PCDH15: variants seen among roughly 807,000 people sequenced by gnomAD.
The protein encoded by PCDH15 is protocadherin related 15.
In PCDH15, 129 loss-of-function variants were observed where a neutral mutation model predicts 178.5. That is an observed-to-expected ratio of 0.72 (90% confidence interval 0.63 to 0.84). PCDH15 has a LOEUF of 0.84. PCDH15 is among the 40% of genes least tolerant of loss of function. The pLI, the probability that PCDH15 is intolerant of heterozygous loss-of-function variation, is 0.00. For missense variants in PCDH15, 2,230 were observed against 2,099.9 expected (o/e 1.06, Z -1.21); for synonymous variants, 800 against 732.0 (o/e 1.09, Z -1.50).
intron 1 of PCDH15, among the ~76,000 whole-genome samples, chr10:55,263,964 G>A (rs956404139): frequency 4.0e-5 from 6 of 148,474 alleles, no homozygotes; most frequent in African/African-American, 1.5e-4. Context: ...TCGATCTCCG[G>A]ACCTCGTGAT....
chr10:54,032,600 CTGTT>C (rs994787957), intron 18 of PCDH15, among the ~76,000 whole-genome samples: 2 of 151,922 alleles, frequency 1.3e-5, no homozygotes, highest in Non-Finnish European at 2.9e-5. Flanking sequence ...GGTATGTTTT[CTGTT>C]TATTAGAAGA....
intron 3 of PCDH15, among the ~76,000 whole-genome samples, chr10:54,425,756 T>C (rs558226540): frequency 7.9e-4 from 120 of 152,304 alleles, no homozygotes; most frequent in African/African-American, 2.8e-3. Flanking sequence ...ACACATGACC[T>C]TTCTTTCTGG....
chr10:54,288,794 A>G (rs925955554), intron 8 of PCDH15, among the ~76,000 whole-genome samples: 3 of 152,216 alleles, frequency 2.0e-5, no homozygotes, highest in African/African-American at 7.2e-5. Flanking sequence ...ACTGCGGGGC[A>G]GCAGCCTGGC....
chr10:54,609,397 G>A (rs916198143), intron 2 of PCDH15, among the ~76,000 whole-genome samples: 1 of 152,036 alleles, frequency 6.6e-6, no homozygotes, highest in African/African-American at 2.4e-5. Context: ...AAAGGCATTT[G>A]TAGTATACTG....
intron 10 of PCDH15, among the ~76,000 whole-genome samples, chr10:54,197,820 G>A (rs2049827199): frequency 6.6e-6 from 1 of 152,014 alleles, no homozygotes; most frequent in Non-Finnish European, 1.5e-5. Flanking sequence ...AAGATTTGTT[G>A]AAATATTATT....
chr10:54,534,345 G>C (rs1160049561), intron 2 of PCDH15, among the ~76,000 whole-genome samples: 1 of 151,988 alleles, frequency 6.6e-6, no homozygotes, highest in African/African-American at 2.4e-5. Context: ...GGTCTGTAGG[G>C]ACAAAAATTT....
rs995309942 is a variant in PCDH15, at chr10:54,462,481, T to G, written c.157+65331A>C. Among the ~76,000 whole-genome samples, 11 of 135,420 alleles carry G rather than the reference T, an allele frequency of 8.1e-5. 1 individual carries two copies. Among genetic ancestry groups the G allele is most frequent in the Non-Finnish European group, 1.7e-4 (11 of 65,430 alleles). The allele number at this position is 135,420 out of a possible 152,430, so 88.8% of individuals were successfully genotyped here. On this transcript the variant is annotated intron_variant, in intron 3 of 37. Transcript: ENST00000644397. ...TATTTGTTAATCCTTTCTTTCTTTC[T>G]TTTCTTTTCTTTTCTTTTTCTTTTT... is the stretch of plus-strand genomic sequence containing the variant.
intron 1 of PCDH15, among the ~76,000 whole-genome samples, chr10:54,681,802 T>A (rs531123832): frequency 6.6e-6 from 1 of 152,262 alleles, no homozygotes; most frequent in East Asian, 1.9e-4. Flanking sequence ...AAGATAGAGC[T>A]ATTACCAATG....
At chr10:53,858,400 G>C (rs1003237052) in intron 27 of PCDH15, among the ~76,000 whole-genome samples, 2 of 152,086 alleles carry the variant, frequency 1.3e-5, no homozygotes, top group African/African-American at 4.8e-5. Context: ...AGTATGAAAT[G>C]ATAGAAAGAA....
At chr10:54,829,682 T>G (rs1056107951) in intron 3 of PCDH15, among the ~76,000 whole-genome samples, 1 of 152,094 alleles carries the variant, frequency 6.6e-6, no homozygotes, top group African/African-American at 2.4e-5. Flanking sequence ...CTCACTAGGC[T>G]TCCATGTATC....
intron 2 of PCDH15, among the ~76,000 whole-genome samples, chr10:55,129,059 A>G: frequency 6.6e-6 from 1 of 152,124 alleles, no homozygotes. Flanking sequence ...TTGCTTGCAC[A>G]ATTAATAGTT....
chr10:53,952,401 G>A (rs760606424), intron 23 of PCDH15, among the ~76,000 whole-genome samples: 18 of 152,278 alleles, frequency 1.2e-4, no homozygotes, highest in South Asian at 4.1e-4. Context: ...CCTCAGTGGC[G>A]AGGAGACCCA....
At chr10:54,562,661 C>T (rs1590129010) in intron 2 of PCDH15, among the ~76,000 whole-genome samples, 1 of 152,078 alleles carries the variant, frequency 6.6e-6, no homozygotes, top group Non-Finnish European at 1.5e-5. Context: ...ATACATAGCA[C>T]ATGCTTCATA....
chr10:53,940,251 G>A (rs1044716984), intron 24 of PCDH15, among the ~76,000 whole-genome samples: 2 of 152,088 alleles, frequency 1.3e-5, no homozygotes, highest in South Asian at 2.1e-4. Context: ...AAATTAATGC[G>A]AAAGATTGAG....
At chr10:55,133,380 G>A (rs890907747) in intron 2 of PCDH15, among the ~76,000 whole-genome samples, 2 of 151,952 alleles carry the variant, frequency 1.3e-5, no homozygotes, top group Admixed American at 6.6e-5. Flanking sequence ...TACTCTAAAC[G>A]TTTTCCTTCA....
chr10:53,803,233 T>C lies in PCDH15; in HGVS notation c.*3346A>G, dbSNP rs1840974067. 6.6e-6 allele frequency: 1 copy of C among 151,890 alleles called. No individual in the cohort carries two copies. The highest frequency in any genetic ancestry group is 1.5e-5 in the Non-Finnish European group (1 of 67,856). The allele number at this position is 151,890 out of a possible 1,614,324, so 9.4% of individuals were successfully genotyped here. A position where few individuals can be genotyped will look rare whatever the true frequency, so the allele number is the denominator to read the frequency against. Reference sequence around the variant, plus strand: ...GGCATCTGCCCTGAGAATAGATTATTAGCACTTTTTGCCTATTTTGCTAAT... The same window carrying C: ...GGCATCTGCCCTGAGAATAGATTATCAGCACTTTTTGCCTATTTTGCTAAT... On this transcript the variant is annotated 3_prime_UTR_variant, in exon 38 of 38. Transcript: ENST00000644397.
chr10:55,345,170 T>C (rs539718809), intron 2 of PCDH15, among the ~76,000 whole-genome samples: 1 of 151,926 alleles, frequency 6.6e-6, no homozygotes, highest in South Asian at 2.1e-4. Context: ...TATATATATA[T>C]ATGGTCAGAA....
At chr10:54,697,689 GAGGA>G (rs1186073588) in intron 1 of PCDH15, among the ~76,000 whole-genome samples, 9 of 99,278 alleles carry the variant, frequency 9.1e-5, no homozygotes, top group African/African-American at 4.0e-4. Flanking sequence ...GGGAGGAAGG[GAGGA>G]AGGGAGGAAG....
intron 2 of PCDH15, among the ~76,000 whole-genome samples, chr10:54,929,181 A>T (rs192708985): frequency 2.0e-5 from 3 of 152,184 alleles, no homozygotes; most frequent in Admixed American, 2.0e-4. Context: ...TTTCTGGATG[A>T]TTTCATGGGA....
Sources: gnomAD v4.1 joint callset for allele counts (sites outside exome capture counted in the v4.1 genomes callset) on GRCh38, gnomAD v4.1.1 for gene constraint, MANE v1.5 for transcripts, NCBI Gene and HGNC (gene_info 2026-07-23, HGNC 2026-07-21) for gene names.